UCN3: variants seen among roughly 807,000 people sequenced by gnomAD.
UCN3 encodes the protein urocortin-3.
A neutral mutation model predicts 3.6 loss-of-function variants in UCN3; 3 were observed. The ratio of observed to expected loss-of-function variants is 0.83; its 90% CI spans 0.38 to 2.15. The LOEUF is 2.15. Among genes scored for constraint, UCN3 ranks in the 30% most tolerant of loss-of-function variants. The pLI is 0.06. For missense variants in UCN3, 206 were observed against 208.3 expected, an observed-to-expected ratio of 0.99 and a Z score of 0.07; for synonymous variants, 100 against 93.2, an observed-to-expected ratio of 1.07 and a Z score of -0.42.
chr10:5,370,063 A>ATG (rs1831333719), intron 1 of UCN3, among the ~76,000 whole-genome samples: 1 of 42,174 alleles, frequency 2.4e-5, no homozygotes, highest in Non-Finnish European at 4.6e-5. Flanking sequence ...ATGTGTGTGT[A>ATG]TATGTGTGTA....
In UCN3 at chr10:5,366,137, C is replaced by T. The variant is rs543162188; in HGVS notation, c.-7+907C>T. ...GATGTGTGATCAGTACTGTTTGCCTCCTGCCTTTGCTGCTTCATGTCCTGT... is the reference window on the plus strand; with the variant it reads ...GATGTGTGATCAGTACTGTTTGCCTTCTGCCTTTGCTGCTTCATGTCCTGT... On this transcript the variant is annotated intron_variant, in intron 1 of 1. Coordinates refer to ENST00000380433, the MANE Select transcript of UCN3 (RefSeq NM_053049.4). The surrounding 1 kb of genome is among the most constrained non-coding windows in gnomAD (Gnocchi z 4.2). Among the ~76,000 whole-genome samples, 2 of 152,316 alleles carry T rather than the reference C, an allele frequency of 1.3e-5. No individual in the cohort carries two copies. The highest frequency in any genetic ancestry group is 4.1e-4 in the South Asian group (2 of 4,826).
At chr10:5,371,037 CTA>C (rs1304488876) in intron 1 of UCN3, among the ~76,000 whole-genome samples, 43 of 139,408 alleles carry the variant, frequency 3.1e-4, no homozygotes, top group East Asian at 1.7e-3. Context: ...GTGCATGTGT[CTA>C]TATGTATGTG....
At chr10:5,373,602 T>C in intron 1 of UCN3, 113 bp from the exon 2 acceptor site, 1 of 1,487,750 alleles carries the variant, frequency 6.7e-7, no homozygotes, top group Non-Finnish European at 8.9e-7. Flanking sequence ...GGGTCATACT[T>C]GGAGAACCCT....
intron 1 of UCN3, among the ~76,000 whole-genome samples, chr10:5,372,384 C>G (rs1831442607): frequency 6.6e-6 from 1 of 152,164 alleles, no homozygotes; most frequent in African/African-American, 2.4e-5. Context: ...CAGCACAAGC[C>G]CTTCTCCCCT....
chr10:5,373,355 T>C (rs1450754943), intron 1 of UCN3, among the ~76,000 whole-genome samples: 2 of 152,198 alleles, frequency 1.3e-5, no homozygotes, highest in Non-Finnish European at 2.9e-5. Flanking sequence ...ACTTAGTATA[T>C]TAGTTATTCG....
intron 1 of UCN3, among the ~76,000 whole-genome samples, chr10:5,371,876 T>G (rs1445916665): frequency 6.6e-6 from 1 of 152,244 alleles, no homozygotes; most frequent in African/African-American, 2.4e-5. Context: ...CTTGCTTTTG[T>G]GAAAGCCAAG....
Position 5,369,909 on chromosome 10 carries a change from GTGTA to G in UCN3, c.-6-3804_-6-3801del, listed in dbSNP as rs1167701573. ...TATATGTGTGTGTGTATATGTGTGT[GTGTA>G]TATGTGTGTGTATGTGTGTGTGTGT... On this transcript the variant is annotated intron_variant, in intron 1 of 1. Coordinates refer to ENST00000380433, the MANE Select transcript of UCN3 (RefSeq NM_053049.4). Among the ~76,000 whole-genome samples the G allele has an allele frequency of 4.4e-5, 6 of 136,104 alleles. 1 individual carries two copies. The East Asian group carries it at 6.8e-4, about 15-fold the overall frequency. 89.3% of individuals were successfully genotyped at this position (136,104 alleles called of 152,430 possible).
At chr10:5,370,750 G>C (rs1251568056) in intron 1 of UCN3, among the ~76,000 whole-genome samples, 1 of 79,432 alleles carries the variant, frequency 1.3e-5, no homozygotes, top group Non-Finnish European at 2.4e-5. Flanking sequence ...GTGTGTATAT[G>C]ATGTGTGTGT....
At chr10:5,368,775 C>G (rs1831291215) in intron 1 of UCN3, among the ~76,000 whole-genome samples, 1 of 152,150 alleles carries the variant, frequency 6.6e-6, no homozygotes, top group African/African-American at 2.4e-5. Context: ...ATTAGGTCCT[C>G]TGTAAATGAG....
At chr10:5,370,612 TATGCGTGTATATGC>T (rs1831378737) in intron 1 of UCN3, among the ~76,000 whole-genome samples, 1 of 100,800 alleles carries the variant, frequency 9.9e-6, no homozygotes, top group Admixed American at 1.1e-4. Context: ...TGCGTGTGTA[TATGCGTGTATATGC>T]GTGTGTATGT....
At chr10:5,370,840 C>T (rs1422203205) in intron 1 of UCN3, among the ~76,000 whole-genome samples, 2,053 of 40,594 alleles carry the variant, frequency 0.051, 163 homozygotes, top group East Asian at 0.22. Context: ...TGTGTGTGCG[C>T]GTGTGTGTGC....
In UCN3 at chr10:5,367,270, G is replaced by C. The variant is rs1310096453; in HGVS notation, c.-7+2040G>C. 6.6e-6 allele frequency among the ~76,000 whole-genome samples: 1 copy of C among 152,162 alleles called. No homozygotes were observed. On this transcript the variant is annotated intron_variant, in intron 1 of 1. Transcript: ENST00000380433. The surrounding 1 kb of genome is among the most constrained non-coding windows in gnomAD (Gnocchi z 4.3). ...ATGTTCAGAAGCCCTCATCTTTCAA[G>C]TGACTCTAGGTACACATGTATGATT...
chr10:5,369,451 T>A (rs1393185586), intron 1 of UCN3, among the ~76,000 whole-genome samples: 4 of 152,208 alleles, frequency 2.6e-5, no homozygotes, highest in African/African-American at 9.7e-5. Context: ...CATGAGGTGG[T>A]TATTGCCATC....
rs797042744 is a variant in UCN3 at position 5,371,153 on chromosome 10, ATATG to A, written c.-6-2560_-6-2557del. 8.9e-4 allele frequency among the ~76,000 whole-genome samples: 134 copies of A among 149,856 alleles called. 4 individuals carry two copies. The highest frequency in any genetic ancestry group is 3.2e-3 in the African/African-American group (129 of 40,180). ...TATGTGTGTGCATATGTGTGCATGT[ATATG>A]TGTGTGCATGTGTATGTATGTGCAT... On this transcript the variant is annotated intron_variant, in intron 1 of 1. Coordinates refer to ENST00000380433, the MANE Select transcript of UCN3 (RefSeq NM_053049.4).
chr10:5,370,862 C>CGTGTGTATGTGT lies in UCN3; in HGVS notation c.-6-2848_-6-2837dup, dbSNP rs1228005726. 4.4e-5 allele frequency among the ~76,000 whole-genome samples: 2 copies of CGTGTGTATGTGT among 45,332 alleles called. 1 individual carries two copies. Among genetic ancestry groups the CGTGTGTATGTGT allele is most frequent in the African/African-American group, 1.9e-4 (2 of 10,372 alleles). The allele number at this position is 45,332 out of a possible 152,430, so 29.7% of individuals were successfully genotyped here. A position where few individuals can be genotyped will look rare whatever the true frequency, so the allele number is the denominator to read the frequency against. ...GCGCGTGTGTGTGCGCGTGTGTGTG[C>CGTGTGTATGTGT]GTGTGTATGTGTGTGTATATGCGTG... On this transcript the variant is annotated intron_variant, in intron 1 of 1. Coordinates refer to ENST00000380433, the MANE Select transcript of UCN3 (RefSeq NM_053049.4).
In UCN3 at chr10:5,374,158, G is replaced by C; in HGVS notation, c.438G>C (p.Gln146His). 1 of 1,612,626 alleles carries C rather than the reference G, an allele frequency of 6.2e-7. No homozygotes were observed. Among genetic ancestry groups the C allele is most frequent in the Middle Eastern group, 1.7e-4 (1 of 6,060 alleles). Reference sequence around the variant, plus strand: ...CCAAGGCCAAGAACCTGCGTGCCCAGGCGGCCGCCAATGCCCACCTGATGG... The same window carrying C: ...CCAAGGCCAAGAACCTGCGTGCCCACGCGGCCGCCAATGCCCACCTGATGG... ...NIAKAKNLRA[Q>H]AAANAHLMAQ... The change falls in exon 2 of 2, where the codon CAG becomes CAC. Residue 146 changes from glutamine (Q) to histidine (H), a missense_variant. Physicochemically the swap from Gln to His is conservative, Grantham distance 24. Coordinates refer to ENST00000380433, the MANE Select transcript of UCN3 (RefSeq NM_053049.4).
chr10:5,370,550 T>C lies in UCN3; in HGVS notation c.-6-3165T>C, dbSNP rs1361340309. Among the ~76,000 whole-genome samples the C allele has an allele frequency of 1.5e-3, 178 of 116,352 alleles. 21 individuals carry two copies. Among genetic ancestry groups the C allele is most frequent in the African/African-American group, 4.5e-3 (134 of 29,542 alleles). The allele number at this position is 116,352 out of a possible 152,430, so 76.3% of individuals were successfully genotyped here. On this transcript the variant is annotated intron_variant, in intron 1 of 1. Coordinates refer to ENST00000380433, the MANE Select transcript of UCN3 (RefSeq NM_053049.4). ...GTGTGTGTGTATATGCGTGTATATG[T>C]GTGTATATGTGTGTGTATATGCGTG...
At chr10:5,370,777 GC>G (rs1261715786) in intron 1 of UCN3, among the ~76,000 whole-genome samples, 1 of 131,532 alleles carries the variant, frequency 7.6e-6, no homozygotes. Context: ...GTGTGTATAT[GC>G]GTGTGTGTGT....
chr10:5,372,428 C>T (rs1554811633), intron 1 of UCN3, among the ~76,000 whole-genome samples: 1 of 152,232 alleles, frequency 6.6e-6, no homozygotes, highest in Non-Finnish European at 1.5e-5. Flanking sequence ...TTGTTTGACA[C>T]TGTTGATCAG....
Sources: gnomAD v4.1 joint callset for allele counts (sites outside exome capture counted in the v4.1 genomes callset) on GRCh38, gnomAD v4.1.1 for gene constraint, Gnocchi (gnomAD v3.1) non-coding constraint, MANE v1.5 for transcripts, NCBI Gene and HGNC (gene_info 2026-07-23, HGNC 2026-07-21) for gene names.